Variants in GMIP observed in about 807,000 individuals in gnomAD.
The protein encoded by GMIP is GEM-interacting protein.
Under a neutral mutation model 105.3 loss-of-function variants are expected in GMIP, and 54 were observed. That is an observed-to-expected ratio of 0.51 (90% CI 0.41 to 0.64). The LOEUF (loss-of-function observed/expected upper bound fraction) is 0.64. GMIP is among the 30% of genes least tolerant of loss of function. GMIP has a pLI of 0.00. For synonymous variants in GMIP, 541 were observed against 560.8 expected, an observed-to-expected ratio of 0.96 and a Z score of 0.50; for missense variants, 1,110 against 1,319.4, an observed-to-expected ratio of 0.84 and a Z score of 2.46.
chr19:19,635,773 GT>G lies in GMIP; in HGVS notation c.1328-53del, dbSNP rs1479705430. ...TCCTGGGCTATGGGAGGCACTCCTGGTTTTTAGGGCTTCCAGAACCACCCAC... is the reference window on the plus strand; with the variant it reads ...TCCTGGGCTATGGGAGGCACTCCTGGTTTTAGGGCTTCCAGAACCACCCAC... On this transcript the variant is annotated intron_variant, in intron 13 of 20. Transcript: ENST00000203556. This position sits in a 1 kb window ranked among gnomAD's most constrained non-coding sequence, Gnocchi z 4.7. 2.7e-6 allele frequency: 4 copies of G among 1,469,352 alleles called. No individual in the cohort carries two copies. In the African/African-American group the frequency reaches 5.5e-5, roughly 20 times the overall value. 91.0% of individuals were successfully genotyped at this position (1,469,352 alleles called of 1,614,324 possible).
Position 19,630,567 on chromosome 19 carries a change from C to A in GMIP, c.2473-30G>T, listed in dbSNP as rs750305603. 3 of 1,574,854 alleles carry A rather than the reference C, an allele frequency of 1.9e-6. No homozygotes were observed. Among genetic ancestry groups the A allele is most frequent in the Non-Finnish European group, 2.6e-6 (3 of 1,144,612 alleles). On this transcript the variant is annotated intron_variant, in intron 19 of 20. Transcript: ENST00000203556. This position sits in a 1 kb window ranked among gnomAD's most constrained non-coding sequence, Gnocchi z 4.8. ...AGGGAGAAACCCAAGAATGAGACCCCAACACTAAAATCCCAGTTCTTTGAG... is the reference window on the plus strand; with the variant it reads ...AGGGAGAAACCCAAGAATGAGACCCAAACACTAAAATCCCAGTTCTTTGAG...
intron 1 of GMIP, chr19:19,643,073 C>T (rs3794995): frequency 0.26 from 54,753 of 210,212 alleles, 8,414 homozygotes; most frequent in Middle Eastern, 0.37. Flanking sequence ...CAAAGACGGC[C>T]GGAAACACCA....
chr19:19,639,853 GA>G (rs1407629910), intron 7 of GMIP, among the ~76,000 whole-genome samples: 1 of 152,032 alleles, frequency 6.6e-6, no homozygotes, highest in Non-Finnish European at 1.5e-5. Flanking sequence ...TCTGTCTCAA[GA>G]AAAAAAGTAA....
rs1253377087 is a variant in GMIP at position 19,643,608 on chromosome 19, T to TGCCGCCGCAGCCGCC, written c.-94_-80dup. 4 of 1,320,246 alleles carry TGCCGCCGCAGCCGCC rather than the reference T, an allele frequency of 3.0e-6. No individual in the cohort carries two copies. The highest frequency in any genetic ancestry group is 4.1e-6 in the Non-Finnish European group (4 of 966,560). The allele number at this position is 1,320,246 out of a possible 1,614,324, so 81.8% of individuals were successfully genotyped here. A position where few individuals can be genotyped will look rare whatever the true frequency, so the allele number is the denominator to read the frequency against. On this transcript the variant is annotated 5_prime_UTR_variant, in exon 1 of 21. Coordinates refer to ENST00000203556, the MANE Select transcript of GMIP (RefSeq NM_016573.4). ...CCGGCGGGGCCGAGCCCCGATTTCC[T>TGCCGCCGCAGCCGCC]GCCGCCGCAGCCGCCGCCGCCGCCT... is the stretch of plus-strand genomic sequence containing the variant.
chr19:19,641,150 G>A (rs2061914770), intron 4 of GMIP, among the ~76,000 whole-genome samples: 1 of 151,076 alleles, frequency 6.6e-6, no homozygotes, highest in Admixed American at 6.6e-5. Context: ...GCCCTATTTT[G>A]CCTCACTGCA....
Position 19,634,412 on chromosome 19 carries a change from G to T in GMIP, c.2084+95C>A, listed in dbSNP as rs1245810712. 6 of 1,152,690 alleles carry T rather than the reference G, an allele frequency of 5.2e-6. No individual in the cohort carries two copies. The highest frequency in any genetic ancestry group is 7.6e-6 in the Non-Finnish European group (6 of 787,248). The allele number at this position is 1,152,690 out of a possible 1,614,324, so 71.4% of individuals were successfully genotyped here. ...CAGAGTTCAGAAAACACAGGTCAAA[G>T]GTCAGAGGTCAGTGTCAGGGGTCAG... On this transcript the variant is annotated intron_variant, in intron 18 of 20. Coordinates refer to ENST00000203556, the MANE Select transcript of GMIP (RefSeq NM_016573.4). The surrounding 1 kb of genome is among the most constrained non-coding windows in gnomAD (Gnocchi z 6.1).
Position 19,633,994 on chromosome 19 carries a change from C to T in GMIP, c.2281G>A (p.Glu761Lys). 2 of 1,605,670 alleles carry T rather than the reference C, an allele frequency of 1.2e-6. No homozygotes were observed. The highest frequency in any genetic ancestry group is 1.7e-6 in the Non-Finnish European group (2 of 1,173,626). Residue 761 changes from glutamate (E) to lysine (K), a missense_variant, in exon 19 of 21, where the codon GAG becomes AAG. Coordinates refer to ENST00000203556, the MANE Select transcript of GMIP (RefSeq NM_016573.4). ...GGGGGCTCAGTGGCCTGGGGGAGCT[C>T]ATCCATCCCAAAGATCTGCTCGTAG... ...VHYEQIFGMD[E>K]LPQATEPPPQ...
In GMIP at chr19:19,638,270, G is replaced by A. The variant is rs2061879107; in HGVS notation, c.678C>T (p.Asp226=). The change falls in exon 9 of 21, where the codon GAC becomes GAT. Residue 226 remains aspartate, a synonymous_variant. Coordinates refer to ENST00000203556, the MANE Select transcript of GMIP (RefSeq NM_016573.4). ...GGGACCCCTGGGAGCGTGCCCGCAG[G>A]TCCTCGCTGCGTTGCACATACTGCA... ...AQLQYVQRSE[D]LRARSQGSPE... is the part of the protein sequence containing the mutation. The A allele has an allele frequency of 2.5e-6, 4 of 1,607,934 alleles. No individual in the cohort carries two copies. Among genetic ancestry groups the A allele is most frequent in the South Asian group, 1.1e-5 (1 of 90,960 alleles).
Position 19,634,731 on chromosome 19 carries a change from G to A in GMIP, c.1888-28C>T, listed in dbSNP as rs770877201. ...GGGGGTGGAACGGAGGGCGCAACAC[G>A]AGTGTGGGTGGGCTGTGGAGGGCTC... On this transcript the variant is annotated intron_variant, in intron 17 of 20. Transcript: ENST00000203556. This position sits in a 1 kb window ranked among gnomAD's most constrained non-coding sequence, Gnocchi z 6.1. The A allele has an allele frequency of 6.8e-6, 11 of 1,608,848 alleles. No individual in the cohort carries two copies. Among genetic ancestry groups the A allele is most frequent in the African/African-American group, 2.7e-5 (2 of 74,794 alleles).
At position 19,638,336 on chromosome 19, in the gene GMIP, G is replaced by T; in HGVS notation, c.619-7C>A. The T allele has an allele frequency of 1.9e-6, 3 of 1,613,962 alleles. No homozygotes were observed. The highest frequency in any genetic ancestry group is 2.5e-6 in the Non-Finnish European group (3 of 1,180,014). ...GTGCCTGCACCGCCTCATTCTGGGG[G>T]ATGATGAGAAGGTCAGCGTCCCGGC... On this transcript the variant is annotated splice_region_variant and splice_polypyrimidine_tract_variant and intron_variant, in intron 8 of 20. Coordinates refer to ENST00000203556, the MANE Select transcript of GMIP (RefSeq NM_016573.4).
At chr19:19,641,902 A>G (rs752126332) in intron 3 of GMIP, 35 bp from the exon 4 acceptor site, 1 of 1,610,712 alleles carries the variant, frequency 6.2e-7, no homozygotes, top group South Asian at 1.1e-5. Context: ...AGAAGCAAAC[A>G]GGGCAGGGGC....
At chr19:19,643,382 A>T (rs2061945239) in intron 1 of GMIP, 129 bp downstream of exon 1, 1 of 823,794 alleles carries the variant, frequency 1.2e-6, no homozygotes, top group Non-Finnish European at 1.9e-6. Flanking sequence ...ACAATGGAGG[A>T]TCCCTGGGTC....
chr19:19,640,688 C>G, intron 4 of GMIP, 117 bp from the exon 5 acceptor site: 3 of 956,522 alleles, frequency 3.1e-6, no homozygotes, highest in Non-Finnish European at 4.8e-6. Context: ...TCCCCAAACA[C>G]TACTTTGGGA....
In GMIP at chr19:19,634,527, G is replaced by C. The variant is rs746542889; in HGVS notation, c.2064C>G (p.His688Gln). 1 of 1,611,566 alleles carries C rather than the reference G, an allele frequency of 6.2e-7. No homozygotes were observed. Among genetic ancestry groups the C allele is most frequent in the Non-Finnish European group, 8.5e-7 (1 of 1,179,326 alleles). ...LPDSNYNTLR[H>Q]LVAHLFRVAA... is the part of the protein sequence containing the mutation. ...CACACCTGAACAGATGGGCCACCAG[G>C]TGCCGCAGGGTGTTGTAGTTAGAGT... Residue 688 changes from histidine to glutamine, a missense_variant, in exon 18 of 21, where the codon CAC becomes CAG. Physicochemically the swap from His to Gln is conservative, Grantham distance 24. Around this residue, in one of 3 missense-constraint regions of GMIP, gnomAD observed 394 missense variants for 450.5 expected, o/e 0.87. Transcript: ENST00000203556. The surrounding 1 kb of genome is among the most constrained non-coding windows in gnomAD (Gnocchi z 6.1).
At position 19,637,952 on chromosome 19, in the gene GMIP, G is replaced by T. The variant is rs1176496554; in HGVS notation, c.895C>A (p.Leu299Met). ...AGCACTTCATCCCCCTGAAACACCA[G>T]CTTGCGCACGTGCGACACGATTCGC... ...KQRIVSHVRK[L>M]VFQGDEVLRR... Residue 299 changes from leucine (L) to methionine (M), a missense_variant, in exon 10 of 21, where the codon CTG (leucine) becomes ATG (methionine). Physicochemically the swap from Leu to Met is conservative, Grantham distance 15. Coordinates refer to ENST00000203556, the MANE Select transcript of GMIP (RefSeq NM_016573.4). The surrounding 1 kb of genome is among the most constrained non-coding windows in gnomAD (Gnocchi z 6.7). The T allele has an allele frequency of 6.2e-7, 1 of 1,610,260 alleles. No homozygotes were observed. The highest frequency in any genetic ancestry group is 2.2e-5 in the East Asian group (1 of 44,790).
Position 19,629,913 on chromosome 19 carries a change from G to A in GMIP, c.*50C>T, listed in dbSNP as rs772656375. 9 of 1,554,616 alleles carry A rather than the reference G, an allele frequency of 5.8e-6. No individual in the cohort carries two copies. On this transcript the variant is annotated 3_prime_UTR_variant, in exon 21 of 21. Coordinates refer to ENST00000203556, the MANE Select transcript of GMIP (RefSeq NM_016573.4). ...AGGTGGTGGGAGGTAGGGATATATG[G>A]GTCCGTCTTCACAATCTGGGCCTCT...
chr19:19,634,401 C>G lies in GMIP; in HGVS notation c.2084+106G>C. ...GGATTAAGGTTCAGAGTTCAGAAAA[C>G]ACAGGTCAAAGGTCAGAGGTCAGTG... On this transcript the variant is annotated intron_variant, in intron 18 of 20. Transcript: ENST00000203556. This position sits in a 1 kb window ranked among gnomAD's most constrained non-coding sequence, Gnocchi z 6.1. 9.0e-7 allele frequency: 1 copy of G among 1,106,896 alleles called. No individual in the cohort carries two copies. The highest frequency in any genetic ancestry group is 1.3e-6 in the Non-Finnish European group (1 of 750,202). The allele number at this position is 1,106,896 out of a possible 1,614,324, so 68.6% of individuals were successfully genotyped here. A position where few individuals can be genotyped will look rare whatever the true frequency, so the allele number is the denominator to read the frequency against.
chr19:19,639,087 A>T (rs115205560), intron 7 of GMIP, among the ~76,000 whole-genome samples: 6,969 of 151,956 alleles, frequency 0.046, 266 homozygotes, highest in South Asian at 0.13. Flanking sequence ...CTCAAAAAAA[A>T]AAATAAATAA....
At chr19:19,640,836 G>A (rs1248678810) in intron 4 of GMIP, among the ~76,000 whole-genome samples, 1 of 151,854 alleles carries the variant, frequency 6.6e-6, no homozygotes, top group Non-Finnish European at 1.5e-5. Flanking sequence ...CGCGATTTTG[G>A]CTCACCAAAA....
Sources: allele counts gnomAD v4.1 joint callset (sites outside exome capture counted in the v4.1 genomes callset), GRCh38; gene constraint gnomAD v4.1.1; regional missense constraint gnomAD v4.1.1; non-coding constraint Gnocchi (gnomAD v3.1); transcripts MANE v1.5; gene names NCBI Gene and HGNC (gene_info 2026-07-23, HGNC 2026-07-21).